KIF6: variants seen among roughly 807,000 people sequenced by gnomAD.
KIF6 encodes the protein kinesin-like protein KIF6.
KIF6 carries 106 observed loss-of-function variants against 112.7 expected under a neutral mutation model. That is an observed-to-expected ratio of 0.94 (90% CI 0.80 to 1.11). The LOEUF (loss-of-function observed/expected upper bound fraction) is 1.11. Ranked by LOEUF, KIF6 falls within the 50% of genes least tolerant of loss-of-function variation. The pLI is 0.00. For missense variants in KIF6, 929 were observed against 964.0 expected, an observed-to-expected ratio of 0.96 and a Z score of 0.48; for synonymous variants, 339 against 339.9, an observed-to-expected ratio of 1.00 and a Z score of 0.03.
rs1554128231 is a variant in KIF6 at position 39,572,681 on chromosome 6, T to TTTTTTTA, written c.1181+5374_1181+5375insTAAAAAA. Among the ~76,000 whole-genome samples, 4 of 138,056 alleles carry TTTTTTTA rather than the reference T, an allele frequency of 2.9e-5. 1 individual carries two copies. Among genetic ancestry groups the TTTTTTTA allele is most frequent in the Non-Finnish European group, 6.1e-5 (4 of 65,128 alleles). 90.6% of individuals were successfully genotyped at this position (138,056 alleles called of 152,430 possible). ...AGGCTTTTTTTTTTTTTTTTTTTTT[T>TTTTTTTA]ACCAAAGAAACAATTGTATATGTGT... On this transcript the variant is annotated intron_variant, in intron 10 of 22. Transcript: ENST00000287152.
chr6:39,433,126 G>A (rs1165014949), intron 13 of KIF6, among the ~76,000 whole-genome samples: 2 of 152,244 alleles, frequency 1.3e-5, no homozygotes, highest in East Asian at 1.9e-4. Context: ...CAGAGCCCAC[G>A]GCACTGTGGC....
chr6:39,612,700 A>G (rs984039567), intron 6 of KIF6, among the ~76,000 whole-genome samples: 2 of 152,212 alleles, frequency 1.3e-5, no homozygotes, highest in African/African-American at 2.4e-5. Flanking sequence ...GCATTGTTCT[A>G]AGTACTTTAT....
At chr6:39,566,351 C>G (rs1359364711) in intron 10 of KIF6, among the ~76,000 whole-genome samples, 1 of 152,152 alleles carries the variant, frequency 6.6e-6, no homozygotes, top group African/African-American at 2.4e-5. Flanking sequence ...TGCATCAGCT[C>G]TTTTTATGAT....
chr6:39,406,758 T>C (rs559319750), intron 15 of KIF6, among the ~76,000 whole-genome samples: 1 of 152,296 alleles, frequency 6.6e-6, no homozygotes, highest in South Asian at 2.1e-4. Context: ...CAAGTATTTG[T>C]TGTTTTTGGA....
At chr6:39,466,069 G>T (rs1351610594) in intron 13 of KIF6, among the ~76,000 whole-genome samples, 3 of 152,160 alleles carry the variant, frequency 2.0e-5, no homozygotes, top group African/African-American at 7.2e-5. Context: ...CTCTCTGACA[G>T]ACATCTCTGT....
In KIF6 at chr6:39,441,216, T is replaced by C. The variant is rs1771903980; in HGVS notation, c.1646-10055A>G. Reference sequence around the variant, plus strand: ...AGCATCTTTCCTGGGAAACTAATCATAGCATTAGAGTTCTCAGCACAGTTT... The same window carrying C: ...AGCATCTTTCCTGGGAAACTAATCACAGCATTAGAGTTCTCAGCACAGTTT... On this transcript the variant is annotated intron_variant, in intron 13 of 22. Transcript: ENST00000287152. Among the ~76,000 whole-genome samples, 3 of 152,192 alleles carry C rather than the reference T, an allele frequency of 2.0e-5. No homozygotes were observed. The South Asian group carries it at 6.2e-4, about 32-fold the overall frequency.
At chr6:39,421,751 T>C (rs1770383907) in intron 14 of KIF6, among the ~76,000 whole-genome samples, 2 of 152,218 alleles carry the variant, frequency 1.3e-5, no homozygotes, top group Admixed American at 6.5e-5. Context: ...TCGTAGATTA[T>C]GTATGTTCTC....
rs761867228 is a variant in KIF6 at position 39,518,772 on chromosome 6, G to A, written c.1645+21231C>T. ...TCTGACACTCGTTGAGCTTTTGTGGGTGAGGTCATTCGTATGCTGCAAAAT... is the reference window on the plus strand; with the variant it reads ...TCTGACACTCGTTGAGCTTTTGTGGATGAGGTCATTCGTATGCTGCAAAAT... On this transcript the variant is annotated intron_variant, in intron 13 of 22. Transcript: ENST00000287152. 4.8e-4 allele frequency among the ~76,000 whole-genome samples: 73 copies of A among 152,282 alleles called. 1 individual carries two copies. The highest frequency in any genetic ancestry group is 8.5e-4 in the Non-Finnish European group (58 of 68,028).
chr6:39,700,999 C>T (rs912189294), intron 3 of KIF6, among the ~76,000 whole-genome samples: 1 of 152,100 alleles, frequency 6.6e-6, no homozygotes, highest in Non-Finnish European at 1.5e-5. Flanking sequence ...CGCACCTAGC[C>T]TTTAAATTTA....
At chr6:39,414,440 C>T (rs1299718677) in intron 15 of KIF6, among the ~76,000 whole-genome samples, 2 of 152,192 alleles carry the variant, frequency 1.3e-5, no homozygotes, top group African/African-American at 4.8e-5. Context: ...CTGAATCCTA[C>T]CACGGCTGCT....
chr6:39,421,664 A>AG (rs1255641086), intron 14 of KIF6, among the ~76,000 whole-genome samples: 5 of 152,198 alleles, frequency 3.3e-5, no homozygotes, highest in African/African-American at 1.2e-4. Context: ...TTTCCAGGGA[A>AG]GGGGACTAAA....
chr6:39,662,925 T>C (rs1786249856), intron 3 of KIF6, among the ~76,000 whole-genome samples: 2 of 151,432 alleles, frequency 1.3e-5, no homozygotes, highest in Admixed American at 1.3e-4. Context: ...TTTTTTTTTA[T>C]AGGGTCTTGC....
At chr6:39,556,502 G>A (rs193213437) in intron 10 of KIF6, among the ~76,000 whole-genome samples, 360 of 152,308 alleles carry the variant, frequency 2.4e-3, no homozygotes, top group Non-Finnish European at 3.8e-3. Context: ...GAGTGTAGTA[G>A]AGAGATAGCT....
At chr6:39,606,148 T>TTG in intron 6 of KIF6, among the ~76,000 whole-genome samples, 1 of 151,830 alleles carries the variant, frequency 6.6e-6, no homozygotes, top group South Asian at 2.1e-4. Flanking sequence ...CTCCTATATC[T>TTG]TCTCTTCCTC....
chr6:39,507,638 C>CCCTTCCTTCCTT (rs771041554), intron 13 of KIF6, among the ~76,000 whole-genome samples: 3 of 29,836 alleles, frequency 1.0e-4, no homozygotes, highest in African/African-American at 3.4e-4. Context: ...CTTTCCTTTC[C>CCCTTCCTTCCTT]CCTTCCTTCC....
At chr6:39,408,221 A>G (rs1769222568) in intron 15 of KIF6, among the ~76,000 whole-genome samples, 1 of 152,216 alleles carries the variant, frequency 6.6e-6, no homozygotes, top group African/African-American at 2.4e-5. Context: ...GGCTGATATG[A>G]TCATGTACAA....
chr6:39,704,885 G>T (rs1021707386), intron 3 of KIF6, among the ~76,000 whole-genome samples: 2 of 152,216 alleles, frequency 1.3e-5, no homozygotes, highest in Non-Finnish European at 1.5e-5. Flanking sequence ...GTTAACTATA[G>T]TGCTTTAAAT....
At chr6:39,519,155 A>G (rs562745810) in intron 13 of KIF6, among the ~76,000 whole-genome samples, 2 of 152,314 alleles carry the variant, frequency 1.3e-5, no homozygotes, top group South Asian at 4.1e-4. Context: ...CAGAAAATGT[A>G]TAAATAATAC....
chr6:39,365,211 C>T (rs1367924421), intron 16 of KIF6, among the ~76,000 whole-genome samples: 1 of 152,180 alleles, frequency 6.6e-6, no homozygotes, highest in Non-Finnish European at 1.5e-5. Flanking sequence ...GTGCCATTGA[C>T]CCCCCTTTTC....
Sources: gnomAD v4.1 joint callset for allele counts (sites outside exome capture counted in the v4.1 genomes callset) on GRCh38, gnomAD v4.1.1 for gene constraint, MANE v1.5 for transcripts, NCBI Gene and HGNC (gene_info 2026-07-23, HGNC 2026-07-21) for gene names.